The following NTM variants were observed in gnomAD, a reference collection of about 807,000 sequenced individuals.
NTM encodes IgLON family member 2.
A neutral mutation model predicts 42.1 loss-of-function variants in NTM; 13 were observed. The ratio of observed to expected loss-of-function variants is 0.31; its 90% CI spans 0.20 to 0.49. The LOEUF is 0.49. Ranked by LOEUF, NTM falls within the 20% of genes least tolerant of loss-of-function variation. The probability of loss-of-function intolerance (pLI) is 0.99; values close to 1 mark genes in which losing one functional copy is unlikely to be tolerated. For synonymous variants in NTM, 187 were observed against 179.2 expected (o/e 1.04, Z -0.35); for missense variants, 373 against 452.8 (o/e 0.82, Z 1.60).
intron 4 of NTM, among the ~76,000 whole-genome samples, chr11:132,251,084 G>C (rs903994416): frequency 5.3e-5 from 8 of 152,206 alleles, no homozygotes. Context: ...TTCTGAGCTA[G>C]CCCAGGTAAT....
At chr11:131,790,849 G>A (rs1344924771) in intron 1 of NTM, among the ~76,000 whole-genome samples, 2 of 152,172 alleles carry the variant, frequency 1.3e-5, no homozygotes, top group Non-Finnish European at 2.9e-5. Context: ...AAAGTTGCAA[G>A]TAAGGAGAAA....
chr11:132,020,943 T>C (rs916774109), intron 2 of NTM, among the ~76,000 whole-genome samples: 9 of 152,182 alleles, frequency 5.9e-5, no homozygotes, highest in African/African-American at 2.2e-4. Flanking sequence ...GTGTTTTTAA[T>C]CAAATTTGGG....
intron 1 of NTM, among the ~76,000 whole-genome samples, chr11:131,494,305 G>A (rs1380709157): frequency 6.6e-6 from 1 of 152,142 alleles, no homozygotes; most frequent in Non-Finnish European, 1.5e-5. Context: ...CTATGATCAG[G>A]TTGTGGGAGG....
chr11:131,863,564 G>C (rs970998139), intron 1 of NTM, among the ~76,000 whole-genome samples: 30 of 152,170 alleles, frequency 2.0e-4, no homozygotes, highest in Admixed American at 3.9e-4. Flanking sequence ...GAATGCAAAG[G>C]CCATGAGCTA....
intron 3 of NTM, among the ~76,000 whole-genome samples, chr11:132,152,494 G>A (rs1007106720): frequency 6.6e-6 from 1 of 152,140 alleles, no homozygotes; most frequent in Non-Finnish European, 1.5e-5. Flanking sequence ...ATTTGGTCTG[G>A]TCATAAGACT....
chr11:131,926,331 A>G (rs1229227747), intron 2 of NTM, among the ~76,000 whole-genome samples: 1 of 152,106 alleles, frequency 6.6e-6, no homozygotes, highest in Non-Finnish European at 1.5e-5. Context: ...ACAAACAAAC[A>G]ACGCATCACA....
chr11:131,664,759 T>G (rs1169132292), intron 1 of NTM, among the ~76,000 whole-genome samples: 1 of 6,184 alleles, frequency 1.6e-4, no homozygotes, highest in Non-Finnish European at 6.0e-4. Flanking sequence ...CATTGTTTTT[T>G]TTTTTTTTTT....
chr11:132,134,567 T>C (rs1230971439), intron 2 of NTM, among the ~76,000 whole-genome samples: 1 of 150,918 alleles, frequency 6.6e-6, no homozygotes, highest in Non-Finnish European at 1.5e-5. Context: ...ATGAGTCATA[T>C]AGGAATATAT....
Position 131,934,093 on chromosome 11 carries a change from T to G in NTM, c.167+22445T>G, listed in dbSNP as rs375180223. Reference sequence around the variant, plus strand: ...GTGTTCTAAACAACAGCACTGGTCTTTTTTATGTATAGTTACCATGTGCAC... The same window carrying G: ...GTGTTCTAAACAACAGCACTGGTCTGTTTTATGTATAGTTACCATGTGCAC... On this transcript the variant is annotated intron_variant, in intron 2 of 8. Coordinates refer to ENST00000683400, the MANE Select transcript of NTM (RefSeq NM_001352005.2). 3.3e-5 allele frequency among the ~76,000 whole-genome samples: 5 copies of G among 152,184 alleles called. No homozygotes were observed. In the South Asian group the frequency reaches 1.0e-3, roughly 32 times the overall value.
At chr11:131,910,558 C>G (rs1390228185) in intron 1 of NTM, among the ~76,000 whole-genome samples, 1 of 151,172 alleles carries the variant, frequency 6.6e-6, no homozygotes, top group East Asian at 1.9e-4. Context: ...GAGAAAGTGG[C>G]GGTCAGGGAT....
chr11:131,505,873 GT>G (rs2047427308), intron 1 of NTM, among the ~76,000 whole-genome samples: 1 of 152,168 alleles, frequency 6.6e-6, no homozygotes, highest in Non-Finnish European at 1.5e-5. Flanking sequence ...TCCCGCGCAA[GT>G]TACTTCACCT....
chr11:131,498,508 C>G (rs1359834333), intron 1 of NTM, among the ~76,000 whole-genome samples: 1 of 151,994 alleles, frequency 6.6e-6, no homozygotes. Context: ...TTGCCTATGA[C>G]CTTTCCTTCC....
chr11:131,552,184 AAGAG>A (rs747712168), intron 1 of NTM, among the ~76,000 whole-genome samples: 10 of 152,206 alleles, frequency 6.6e-5, no homozygotes, highest in African/African-American at 9.6e-5. Context: ...AGAAGAGGAA[AAGAG>A]AGAGAGAGGA....
chr11:131,799,535 C>A (rs1333290739), intron 1 of NTM, among the ~76,000 whole-genome samples: 1 of 152,084 alleles, frequency 6.6e-6, no homozygotes, highest in Admixed American at 6.5e-5. Flanking sequence ...CAATTCAAGG[C>A]CCCTGAAGAT....
chr11:131,763,575 G>A (rs866279797), intron 1 of NTM, among the ~76,000 whole-genome samples: 7 of 151,936 alleles, frequency 4.6e-5, no homozygotes, highest in Admixed American at 2.0e-4. Context: ...TTTGTGTTTC[G>A]GGAGTGATAA....
At chr11:132,263,304 C>A (rs2092982665) in intron 4 of NTM, among the ~76,000 whole-genome samples, 1 of 152,208 alleles carries the variant, frequency 6.6e-6, no homozygotes, top group Non-Finnish European at 1.5e-5. Context: ...ATCTCTGAAT[C>A]ACTTTTTTGG....
At chr11:131,911,344 CCTCCCCGCGCCTCCCG>C (rs2054914088) in intron 1 of NTM, 4 of 1,504,016 alleles carry the variant, frequency 2.7e-6, no homozygotes, top group Non-Finnish European at 3.6e-6. Flanking sequence ...GCGCTTTTCT[CCTCCCCGCGCCTCCCG>C]GTCGCCGCGG....
intron 3 of NTM, among the ~76,000 whole-genome samples, chr11:132,155,327 G>A (rs1051125611): frequency 6.6e-6 from 1 of 152,184 alleles, no homozygotes; most frequent in African/African-American, 2.4e-5. Flanking sequence ...GTAGGTGCAG[G>A]GAAGCAGAAG....
At chr11:131,979,502 A>G (rs930121813) in intron 2 of NTM, among the ~76,000 whole-genome samples, 3 of 152,246 alleles carry the variant, frequency 2.0e-5, no homozygotes, top group African/African-American at 7.2e-5. Flanking sequence ...AAAGTGAAGT[A>G]CAGCCCATGT....
Sources: allele counts gnomAD v4.1 joint callset (sites outside exome capture counted in the v4.1 genomes callset), GRCh38; gene constraint gnomAD v4.1.1; transcripts MANE v1.5; gene names NCBI Gene and HGNC (gene_info 2026-07-23, HGNC 2026-07-21).